Variants in UGT1A8 observed in about 807,000 individuals in gnomAD.
UGT1A8 encodes UDP glucuronosyltransferase family 1 member A8.
Under a neutral mutation model 45.3 loss-of-function variants are expected in UGT1A8, and 39 were observed. That is an observed-to-expected ratio of 0.86 (90% confidence interval 0.67 to 1.12). The LOEUF (loss-of-function observed/expected upper bound fraction) is 1.12. Among genes scored for constraint, UGT1A8 ranks in the 50% most tolerant of loss-of-function variants. The probability of loss-of-function intolerance (pLI) is 0.00; values close to 1 mark genes in which losing one functional copy is unlikely to be tolerated. For synonymous variants in UGT1A8, 275 were observed against 249.2 expected (o/e 1.10, Z -0.97); for missense variants, 719 against 664.9 (o/e 1.08, Z -0.90).
intron 1 of UGT1A8, among the ~76,000 whole-genome samples, chr2:233,698,405 T>C (rs896142522): frequency 6.6e-6 from 1 of 152,204 alleles, no homozygotes; most frequent in African/African-American, 2.4e-5. Flanking sequence ...TTTATGTGAC[T>C]TCATCGCAAT....
In UGT1A8 at chr2:233,637,476, A is replaced by G. The variant is rs930441288; in HGVS notation, c.855+18914A>G. 3.3e-6 allele frequency: 5 copies of G among 1,498,352 alleles called. No individual in the cohort carries two copies. The African/African-American group carries it at 5.6e-5, about 17-fold the overall frequency. 92.8% of individuals were successfully genotyped at this position (1,498,352 alleles called of 1,614,324 possible). On this transcript the variant is annotated intron_variant, in intron 1 of 4. Coordinates refer to ENST00000373450, the MANE Select transcript of UGT1A8 (RefSeq NM_019076.5). Reference sequence around the variant, plus strand: ...GTGATTTGACATTTTCGTTTGTTGCATTTCAAATTTCTTTCCAGTTTAACA... The same window carrying G: ...GTGATTTGACATTTTCGTTTGTTGCGTTTCAAATTTCTTTCCAGTTTAACA...
intron 1 of UGT1A8, among the ~76,000 whole-genome samples, chr2:233,684,020 A>G (rs1341585097): frequency 6.6e-6 from 1 of 152,206 alleles, no homozygotes; most frequent in Non-Finnish European, 1.5e-5. Context: ...TTCTTGGCAA[A>G]TGCATAGTTG....
chr2:233,635,643 G>C (rs1239915369), intron 1 of UGT1A8, among the ~76,000 whole-genome samples: 1 of 150,778 alleles, frequency 6.6e-6, no homozygotes, highest in African/African-American at 2.5e-5. Flanking sequence ...GCAAAGCATG[G>C]CTACTGTGAA....
chr2:233,637,958 C>G (rs1447381341), intron 1 of UGT1A8, among the ~76,000 whole-genome samples: 1 of 151,900 alleles, frequency 6.6e-6, no homozygotes, highest in Admixed American at 6.6e-5. Context: ...GTTTTTTAAC[C>G]AATTAATATT....
intron 1 of UGT1A8, among the ~76,000 whole-genome samples, chr2:233,637,891 A>C (rs988490698): frequency 6.6e-6 from 1 of 152,190 alleles, no homozygotes; most frequent in Admixed American, 6.5e-5. Context: ...CAATACAGAC[A>C]GATTTGACAA....
chr2:233,737,087 A>G (rs955839676), intron 1 of UGT1A8, among the ~76,000 whole-genome samples: 1 of 152,174 alleles, frequency 6.6e-6, no homozygotes, highest in Non-Finnish European at 1.5e-5. Context: ...TCAGACAGGG[A>G]TGTTTAAGTC....
At chr2:233,747,348 G>A (rs1230445654) in intron 1 of UGT1A8, 17 of 1,603,310 alleles carry the variant, frequency 1.1e-5, no homozygotes, top group African/African-American at 4.0e-5. Context: ...TCGCATGCGG[G>A]AGGCCGTGCG....
At chr2:233,728,892 C>T (rs781127697) in intron 1 of UGT1A8, among the ~76,000 whole-genome samples, 15 of 152,110 alleles carry the variant, frequency 9.9e-5, no homozygotes, top group Non-Finnish European at 2.2e-4. Context: ...CCAGAGTGAG[C>T]ACAGGGTCAG....
intron 1 of UGT1A8, among the ~76,000 whole-genome samples, chr2:233,711,346 C>T (rs967484863): frequency 5.3e-5 from 8 of 152,344 alleles, no homozygotes; most frequent in Admixed American, 2.0e-4. Context: ...GGAGATAGAA[C>T]AGGGGAGCCC....
intron 1 of UGT1A8, among the ~76,000 whole-genome samples, chr2:233,640,030 T>G (rs1038202540): frequency 7.9e-5 from 12 of 152,224 alleles, no homozygotes; most frequent in Admixed American, 7.9e-4. Flanking sequence ...TAGGTGCAGC[T>G]CTGCAGACCT....
At chr2:233,694,411 A>G (rs193114537) in intron 1 of UGT1A8, among the ~76,000 whole-genome samples, 1 of 152,274 alleles carries the variant, frequency 6.6e-6, no homozygotes, top group Admixed American at 6.5e-5. Context: ...GTGCCACAGA[A>G]GTATTTGGTC....
chr2:233,663,475 A>G (rs567601194), intron 1 of UGT1A8, among the ~76,000 whole-genome samples: 2 of 152,212 alleles, frequency 1.3e-5, no homozygotes, highest in South Asian at 4.2e-4. Flanking sequence ...CAGTTTATTG[A>G]TCTGGGTGGT....
intron 1 of UGT1A8, among the ~76,000 whole-genome samples, chr2:233,744,672 T>G (rs778668144): frequency 6.6e-6 from 1 of 151,884 alleles, no homozygotes; most frequent in Non-Finnish European, 1.5e-5. Context: ...ATATTACACA[T>G]CACCCATGTA....
At chr2:233,620,151 C>T (rs112032523) in intron 1 of UGT1A8, among the ~76,000 whole-genome samples, 169 of 152,190 alleles carry the variant, frequency 1.1e-3, no homozygotes, top group African/African-American at 3.5e-3. Context: ...AAAGAGTGAC[C>T]GTTCAGCCAT....
chr2:233,732,311 T>A (rs1163118726), intron 1 of UGT1A8, among the ~76,000 whole-genome samples: 3 of 152,222 alleles, frequency 2.0e-5, no homozygotes, highest in Admixed American at 6.5e-5. Flanking sequence ...CCCATTTGTC[T>A]ATTTTGGCTT....
chr2:233,689,956 A>G (rs1320198973), intron 1 of UGT1A8: 3 of 456,290 alleles, frequency 6.6e-6, no homozygotes, highest in African/African-American at 4.0e-5. Context: ...CTTTATTTCC[A>G]TGCTTGGAGG....
chr2:233,703,466 A>ATTATTT lies in UGT1A8; in HGVS notation c.856-63566_856-63561dup, dbSNP rs1421893087. ...GTCGTTAATTTCCCCTCTATTCTTT[A>ATTATTT]TTATTTTCTGCCTTCTTGCTTTGTG... On this transcript the variant is annotated intron_variant, in intron 1 of 4. Transcript: ENST00000373450. Among the ~76,000 whole-genome samples the ATTATTT allele has an allele frequency of 6.6e-5, 10 of 151,422 alleles. No individual in the cohort carries two copies. The East Asian group carries it at 9.7e-4, about 15-fold the overall frequency.
At chr2:233,624,595 A>C (rs1018354966) in intron 1 of UGT1A8, among the ~76,000 whole-genome samples, 1 of 152,124 alleles carries the variant, frequency 6.6e-6, no homozygotes, top group Non-Finnish European at 1.5e-5. Context: ...ATATTTGATT[A>C]CTATAGCTGT....
Position 233,757,147 on chromosome 2 carries a change from C to T in UGT1A8, c.856-9887C>T, listed in dbSNP as rs1696419707. Among the ~76,000 whole-genome samples, 3 of 151,258 alleles carry T rather than the reference C, an allele frequency of 2.0e-5. No individual in the cohort carries two copies. The South Asian group carries it at 6.3e-4, about 32-fold the overall frequency. Reference sequence around the variant, plus strand: ...GGAGGAATGAGCTTGGACAGGTGGGCTGGGGTCTATCCCAGAGTTTTGAGA... The same window carrying T: ...GGAGGAATGAGCTTGGACAGGTGGGTTGGGGTCTATCCCAGAGTTTTGAGA... On this transcript the variant is annotated intron_variant, in intron 1 of 4. Transcript: ENST00000373450.
Sources: allele counts gnomAD v4.1 joint callset (sites outside exome capture counted in the v4.1 genomes callset), GRCh38; gene constraint gnomAD v4.1.1; transcripts MANE v1.5; gene names NCBI Gene and HGNC (gene_info 2026-07-23, HGNC 2026-07-21).